CAMK4: variants seen among roughly 807,000 people sequenced by gnomAD.
CAMK4 encodes the protein calcium/calmodulin dependent protein kinase IV.
In CAMK4, 22 loss-of-function variants were observed where a neutral mutation model predicts 44.9. That is an observed-to-expected ratio of 0.49 (90% CI 0.35 to 0.70). The LOEUF (loss-of-function observed/expected upper bound fraction) is 0.70. Ranked by LOEUF, CAMK4 falls within the 30% of genes least tolerant of loss-of-function variation. CAMK4 has a pLI of 0.01. For missense variants in CAMK4, 498 were observed against 586.8 expected (o/e 0.85, Z 1.56); for synonymous variants, 218 against 215.4 (o/e 1.01, Z -0.11).
rs1755632827 is a variant in CAMK4 at position 111,486,535 on chromosome 5, A to ACACC, written c.*2072_*2073insCCAC. The ACACC allele has an allele frequency of 7.0e-6, 1 of 143,830 alleles. No homozygotes were observed. Among genetic ancestry groups the ACACC allele is most frequent in the Admixed American group, 7.2e-5 (1 of 13,916 alleles). The allele number at this position is 143,830 out of a possible 1,614,324, so 8.9% of individuals were successfully genotyped here. A position where few individuals can be genotyped will look rare whatever the true frequency, so the allele number is the denominator to read the frequency against. On this transcript the variant is annotated 3_prime_UTR_variant, in exon 11 of 11. Transcript: ENST00000282356. ...CACACACACACACACACACACACAC[A>ACACC]CACACACGTGTTGGAAGAGCAAAGA...
chr5:111,342,933 A>G (rs1380311694), intron 1 of CAMK4, among the ~76,000 whole-genome samples: 1 of 151,532 alleles, frequency 6.6e-6, no homozygotes, highest in African/African-American at 2.4e-5. Flanking sequence ...TTATTTTTAC[A>G]CATGCTAGAA....
At chr5:111,224,367 C>T, upstream of CAMK4, 1 of 1,340,054 alleles carries the variant, frequency 7.5e-7, no homozygotes, top group Non-Finnish European at 9.6e-7. This position sits in a 1 kb window ranked among gnomAD's most constrained non-coding sequence, Gnocchi z 5.7. Context: ...CGTGTGCGCG[C>T]GTGAAGGACG....
chr5:111,478,467 C>A lies in CAMK4; in HGVS notation c.788C>A (p.Ser263Tyr). The change falls in exon 9 of 11, where the codon TCC becomes TAC. Residue 263 changes from serine (S) to tyrosine (Y), a missense_variant. Physicochemically the swap from Ser to Tyr is moderately radical, Grantham distance 144. This residue lies in a region of CAMK4 where 203 missense variants were observed against 298.2 expected (regional missense o/e 0.68). Transcript: ENST00000282356. ...RILNCEYYFI[S>Y]PWWDEVSLNA... ...CTGAATTGTGAATATTACTTTATCT[C>A]CCCCTGGTGGGATGAAGTATCTCTA... The A allele has an allele frequency of 1.3e-6, 2 of 1,549,480 alleles. No homozygotes were observed. The highest frequency in any genetic ancestry group is 1.8e-6 in the Non-Finnish European group (2 of 1,125,756).
At chr5:111,384,293 A>G (rs1342215550) in intron 4 of CAMK4, among the ~76,000 whole-genome samples, 1 of 152,128 alleles carries the variant, frequency 6.6e-6, no homozygotes, top group Non-Finnish European at 1.5e-5. Context: ...CATATCATTC[A>G]TGGAGTTTTG....
chr5:111,370,937 T>G (rs1457673195), intron 2 of CAMK4, among the ~76,000 whole-genome samples: 1 of 84,136 alleles, frequency 1.2e-5, no homozygotes, highest in Non-Finnish European at 2.6e-5. Flanking sequence ...AAAAACAACG[T>G]GTATCCTTAT....
chr5:111,420,248 A>G (rs1024355978), intron 5 of CAMK4, among the ~76,000 whole-genome samples: 1 of 152,034 alleles, frequency 6.6e-6, no homozygotes, highest in Non-Finnish European at 1.5e-5. Flanking sequence ...TCTGTCTGTT[A>G]TTGGTGTATA....
chr5:111,460,225 C>T (rs1316257115), intron 7 of CAMK4, among the ~76,000 whole-genome samples: 1 of 150,482 alleles, frequency 6.6e-6, no homozygotes, highest in Non-Finnish European at 1.5e-5. Context: ...TTTATATCTC[C>T]GTTAGAGAAA....
intron 1 of CAMK4, among the ~76,000 whole-genome samples, chr5:111,243,088 G>T (rs1749077686): frequency 6.6e-6 from 1 of 152,124 alleles, no homozygotes; most frequent in Non-Finnish European, 1.5e-5. Flanking sequence ...ATTATTCAAT[G>T]ACTTGTAGTA....
chr5:111,369,056 A>T (rs1202434082), intron 2 of CAMK4, among the ~76,000 whole-genome samples: 1 of 148,836 alleles, frequency 6.7e-6, no homozygotes, highest in Non-Finnish European at 1.5e-5. Flanking sequence ...ATAATAATAT[A>T]ATAATAATAA....
intron 7 of CAMK4, among the ~76,000 whole-genome samples, chr5:111,470,892 A>G (rs998998244): frequency 6.6e-6 from 1 of 152,344 alleles, no homozygotes; most frequent in South Asian, 2.1e-4. Flanking sequence ...ACAGTCTCAT[A>G]TGAAACACGT....
intron 1 of CAMK4, among the ~76,000 whole-genome samples, chr5:111,238,368 G>A (rs962264056): frequency 1.3e-5 from 2 of 152,150 alleles, no homozygotes; most frequent in East Asian, 3.9e-4. Flanking sequence ...TAGGTGAGGT[G>A]ATGAGGCATT....
chr5:111,413,479 A>T (rs1354251355), intron 5 of CAMK4, among the ~76,000 whole-genome samples: 5 of 152,070 alleles, frequency 3.3e-5, no homozygotes, highest in African/African-American at 1.2e-4. Context: ...AGAGAGGCTG[A>T]GGCAGAAGAA....
In CAMK4 at chr5:111,233,302, G is replaced by A. The variant is rs563956338; in HGVS notation, c.161+8658G>A. Among the ~76,000 whole-genome samples the A allele has an allele frequency of 2.0e-5, 3 of 152,126 alleles. No homozygotes were observed. The East Asian group carries it at 5.8e-4, about 29-fold the overall frequency. On this transcript the variant is annotated intron_variant, in intron 1 of 10. Transcript: ENST00000282356. ...CAACTTTTTATTAGTTTTCCACGTGGGCACAAGCTTTAAATGCATACTCAT... is the reference window on the plus strand; with the variant it reads ...CAACTTTTTATTAGTTTTCCACGTGAGCACAAGCTTTAAATGCATACTCAT...
chr5:111,455,671 T>C (rs1298117993), intron 7 of CAMK4, among the ~76,000 whole-genome samples: 1 of 152,194 alleles, frequency 6.6e-6, no homozygotes, highest in Non-Finnish European at 1.5e-5. Flanking sequence ...TCCACAGATA[T>C]ATGGGTGACT....
intron 1 of CAMK4, among the ~76,000 whole-genome samples, chr5:111,253,995 T>C (rs759379604): frequency 6.6e-6 from 1 of 152,180 alleles, no homozygotes; most frequent in Non-Finnish European, 1.5e-5. Context: ...ATTTCAGAAA[T>C]CTTTTTGTGT....
intron 1 of CAMK4, among the ~76,000 whole-genome samples, chr5:111,334,500 T>C (rs1749311688): frequency 6.6e-6 from 1 of 151,514 alleles, no homozygotes; most frequent in African/African-American, 2.4e-5. Context: ...TTTTTTAGGT[T>C]CCTGCTCTTT....
chr5:111,365,316 T>A (rs1252934601), intron 2 of CAMK4: 1 of 152,114 alleles, frequency 6.6e-6, no homozygotes, highest in Non-Finnish European at 1.5e-5. Flanking sequence ...ATTTGTGATG[T>A]GGTTCAGTTG....
chr5:111,451,674 T>A (rs1246852506), intron 7 of CAMK4, among the ~76,000 whole-genome samples: 1 of 151,740 alleles, frequency 6.6e-6, no homozygotes, highest in African/African-American at 2.4e-5. Flanking sequence ...GAGGCTGAAA[T>A]GAGAGGATTG....
intron 1 of CAMK4, among the ~76,000 whole-genome samples, chr5:111,253,907 C>G (rs1192039563): frequency 6.6e-6 from 1 of 152,092 alleles, no homozygotes; most frequent in East Asian, 1.9e-4. Context: ...AAACCATTCC[C>G]AAATAAATTT....
Sources: gnomAD v4.1 joint callset for allele counts (sites outside exome capture counted in the v4.1 genomes callset) on GRCh38, gnomAD v4.1.1 for gene constraint, gnomAD v4.1.1 regional missense constraint, Gnocchi (gnomAD v3.1) non-coding constraint, MANE v1.5 for transcripts, NCBI Gene and HGNC (gene_info 2026-07-23, HGNC 2026-07-21) for gene names.